The following A1CF variants were observed in gnomAD, a reference collection of about 807,000 sequenced individuals.
The protein encoded by A1CF is APOBEC-1 stimulating protein.
A neutral mutation model predicts 68.9 loss-of-function variants in A1CF; 48 were observed. The observed-to-expected ratio is 0.70, with a 90% CI of 0.55 to 0.89. A1CF has a LOEUF of 0.89. Ranked by LOEUF, A1CF falls within the 40% of genes least tolerant of loss-of-function variation. A1CF has a pLI of 0.00. For synonymous variants in A1CF, 272 were observed against 260.4 expected, an observed-to-expected ratio of 1.04 and a Z score of -0.43; for missense variants, 653 against 718.9, an observed-to-expected ratio of 0.91 and a Z score of 1.05.
At chr10:50,863,826 A>C (rs72787059) in intron 2 of A1CF, among the ~76,000 whole-genome samples, 18,380 of 152,120 alleles carry the variant, frequency 0.12, 1,380 homozygotes, top group South Asian at 0.17. Context: ...GGGAAATTAT[A>C]GTTAACAATA....
chr10:50,814,235 GTC>G (rs763279029), intron 9 of A1CF, among the ~76,000 whole-genome samples, 197 bp from the exon 10 acceptor site: 3 of 152,132 alleles, frequency 2.0e-5, no homozygotes, highest in Non-Finnish European at 4.4e-5. Context: ...TAACATAGGT[GTC>G]TCTCTTTTTT....
At chr10:50,837,657 G>C (rs912776128) in intron 5 of A1CF, among the ~76,000 whole-genome samples, 1 of 152,076 alleles carries the variant, frequency 6.6e-6, no homozygotes, top group African/African-American at 2.4e-5. Flanking sequence ...TAGTTCTTGC[G>C]TACTACATGC....
intron 7 of A1CF, among the ~76,000 whole-genome samples, chr10:50,826,846 TAA>T (rs557888348): frequency 1.2e-3 from 190 of 152,194 alleles, no homozygotes; most frequent in Middle Eastern, 3.4e-3. Context: ...GCAAATTGGA[TAA>T]AGAGTCAAGA....
At chr10:50,810,483 T>C (rs1225029344) in intron 11 of A1CF, among the ~76,000 whole-genome samples, 1 of 152,168 alleles carries the variant, frequency 6.6e-6, no homozygotes, top group African/African-American at 2.4e-5. Context: ...AAGAATGGGC[T>C]ATAGCTTTGT....
chr10:50,873,128 G>C (rs1044394537), intron 1 of A1CF, among the ~76,000 whole-genome samples: 3 of 151,428 alleles, frequency 2.0e-5, no homozygotes, highest in African/African-American at 7.3e-5. Context: ...GCTAATTTTT[G>C]TATTTTTAGT....
chr10:50,884,491 T>C (rs979137497), intron 1 of A1CF, among the ~76,000 whole-genome samples: 1 of 152,252 alleles, frequency 6.6e-6, no homozygotes, highest in Non-Finnish European at 1.5e-5. Context: ...ATCACTGTCA[T>C]TTCCAGACCT....
At chr10:50,865,730 C>T (rs552634236) in intron 1 of A1CF, among the ~76,000 whole-genome samples, 1 of 152,194 alleles carries the variant, frequency 6.6e-6, no homozygotes, top group Non-Finnish European at 1.5e-5. Flanking sequence ...ACTGATCCTT[C>T]TAGACTTGAT....
intron 8 of A1CF, among the ~76,000 whole-genome samples, chr10:50,817,621 G>A (rs1359060917): frequency 6.6e-6 from 1 of 152,282 alleles, no homozygotes; most frequent in East Asian, 1.9e-4. Context: ...TGAAAATAGG[G>A]GAGGAACTTG....
At chr10:50,854,403 T>C (rs1469693468) in intron 3 of A1CF, among the ~76,000 whole-genome samples, 1 of 152,046 alleles carries the variant, frequency 6.6e-6, no homozygotes, top group East Asian at 1.9e-4. Context: ...AATATAAGAA[T>C]GATCATAATT....
chr10:50,833,602 G>A (rs1308950592), intron 6 of A1CF, among the ~76,000 whole-genome samples: 3 of 152,182 alleles, frequency 2.0e-5, no homozygotes, highest in Non-Finnish European at 4.4e-5. Context: ...AGAAAGAAAA[G>A]TTTCTTGTTG....
At chr10:50,877,273 A>G (rs1400549209) in intron 1 of A1CF, among the ~76,000 whole-genome samples, 1 of 152,226 alleles carries the variant, frequency 6.6e-6, no homozygotes, top group Admixed American at 6.5e-5. Context: ...TTTGCGTGGT[A>G]TATTATAGAG....
At chr10:50,855,279 A>G (rs1840426786) in intron 3 of A1CF, among the ~76,000 whole-genome samples, 1 of 151,908 alleles carries the variant, frequency 6.6e-6, no homozygotes, top group South Asian at 2.1e-4. Context: ...TTTCGAAATC[A>G]GGAAGTACAG....
Position 50,800,603 on chromosome 10 carries a change from A to G in A1CF, c.*6126T>C, listed in dbSNP as rs934400212. On this transcript the variant is annotated 3_prime_UTR_variant, in exon 13 of 13. Coordinates refer to ENST00000373997, the MANE Select transcript of A1CF (RefSeq NM_014576.4). ...CAGTTTCTGGTATAAGAGTAGGTGC[A>G]TAGTAAACACAGGCTGATCATATAT... 9 of 152,208 alleles carry G rather than the reference A, an allele frequency of 5.9e-5. No individual in the cohort carries two copies. The highest frequency in any genetic ancestry group is 8.8e-5 in the Non-Finnish European group (6 of 68,030). 9.4% of individuals were successfully genotyped at this position (152,208 alleles called of 1,614,324 possible).
intron 1 of A1CF, among the ~76,000 whole-genome samples, chr10:50,876,262 G>A (rs1841507627): frequency 6.6e-6 from 1 of 152,216 alleles, no homozygotes. Flanking sequence ...GTCAGTGTTT[G>A]CAGCACATCA....
At chr10:50,843,844 C>T in intron 4 of A1CF, 144 bp downstream of exon 4, 1 of 1,015,914 alleles carries the variant, frequency 9.8e-7, no homozygotes, top group Non-Finnish European at 1.5e-6. Flanking sequence ...GAGATAATCA[C>T]TAGAAACTTT....
chr10:50,853,457 C>T (rs1452414449), intron 3 of A1CF, among the ~76,000 whole-genome samples: 1 of 152,086 alleles, frequency 6.6e-6, no homozygotes, highest in East Asian at 1.9e-4. Flanking sequence ...TGACACTTAC[C>T]ATGATCTGTA....
chr10:50,875,485 A>G (rs905584235), intron 1 of A1CF, among the ~76,000 whole-genome samples: 2 of 152,224 alleles, frequency 1.3e-5, no homozygotes, highest in Non-Finnish European at 2.9e-5. Context: ...AGGAGAAAGG[A>G]GCAGATGTAG....
chr10:50,816,190 CCTT>C lies in A1CF; in HGVS notation c.954_956del (p.Arg319del). 6.2e-7 allele frequency: 1 copy of C among 1,613,706 alleles called. No individual in the cohort carries two copies. The highest frequency in any genetic ancestry group is 8.5e-7 in the Non-Finnish European group (1 of 1,179,822). ...TATACTCTCCTTGCAGCATGGTGCCCCTTCCACCTGTGCCTCGGGTATACCTAA... is the reference window on the plus strand; with the variant it reads ...TATACTCTCCTTGCAGCATGGTGCCCCCACCTGTGCCTCGGGTATACCTAA... On this transcript the variant is annotated inframe_deletion, in exon 9 of 13. Coordinates refer to ENST00000373997, the MANE Select transcript of A1CF (RefSeq NM_014576.4).
intron 10 of A1CF, among the ~76,000 whole-genome samples, chr10:50,811,781 A>G (rs937945807): frequency 2.6e-5 from 4 of 152,124 alleles, no homozygotes; most frequent in Non-Finnish European, 5.9e-5. Flanking sequence ...CTTAATGACA[A>G]TATGCTTTTT....
Sources: gnomAD v4.1 joint callset for allele counts (sites outside exome capture counted in the v4.1 genomes callset) on GRCh38, gnomAD v4.1.1 for gene constraint, MANE v1.5 for transcripts, NCBI Gene and HGNC (gene_info 2026-07-23, HGNC 2026-07-21) for gene names.